PDHX: variants seen among roughly 807,000 people sequenced by gnomAD.
The protein encoded by PDHX is pyruvate dehydrogenase protein X component, mitochondrial.
Under a neutral mutation model 55.3 loss-of-function variants are expected in PDHX, and 33 were observed. That is an observed-to-expected ratio of 0.60 (90% CI 0.45 to 0.80). The LOEUF (loss-of-function observed/expected upper bound fraction) is 0.80. Among genes scored for constraint, PDHX ranks in the 30% least tolerant of loss-of-function variants. PDHX has a pLI of 0.00. For missense variants in PDHX, 622 were observed against 619.9 expected (o/e 1.00, Z -0.04); for synonymous variants, 226 against 219.4 (o/e 1.03, Z -0.27).
intron 9 of PDHX, among the ~76,000 whole-genome samples, chr11:34,991,807 C>T (rs548103768): frequency 2.3e-4 from 34 of 149,730 alleles, no homozygotes; most frequent in Admixed American, 8.7e-4. Flanking sequence ...CTACTCAGGA[C>T]GCTGAGGCAA....
intron 8 of PDHX, among the ~76,000 whole-genome samples, chr11:34,979,758 A>G (rs919200410): frequency 1.3e-5 from 2 of 152,168 alleles, no homozygotes; most frequent in African/African-American, 4.8e-5. Context: ...GGCATAAGCT[A>G]TTCGTTAATA....
At chr11:34,945,662 G>A (rs768162000) in intron 2 of PDHX, among the ~76,000 whole-genome samples, 5 of 151,514 alleles carry the variant, frequency 3.3e-5, no homozygotes, top group Non-Finnish European at 5.9e-5. Flanking sequence ...TGTTTTTATC[G>A]TTGATAGAAT....
At chr11:34,971,915 TTA>T (rs1219041488) in intron 7 of PDHX, among the ~76,000 whole-genome samples, 1 of 152,132 alleles carries the variant, frequency 6.6e-6, no homozygotes, top group Non-Finnish European at 1.5e-5. Context: ...ACTATGAATT[TTA>T]TTTTAAAAAT....
At chr11:34,921,848 AG>A (rs1256968662) in intron 1 of PDHX, among the ~76,000 whole-genome samples, 1 of 152,224 alleles carries the variant, frequency 6.6e-6, no homozygotes, top group Non-Finnish European at 1.5e-5. Context: ...CTATGAAAGC[AG>A]GGTATTAGAA....
chr11:34,951,382 G>A (rs1480406138), intron 3 of PDHX, among the ~76,000 whole-genome samples: 6 of 151,876 alleles, frequency 4.0e-5, no homozygotes, highest in Non-Finnish European at 8.8e-5. Context: ...TTTAATGATC[G>A]CCATTCTAAC....
intron 4 of PDHX, 42 bp from the exon 5 acceptor site, chr11:34,960,378 A>C (rs1453687398): frequency 8.3e-7 from 1 of 1,209,146 alleles, no homozygotes; most frequent in South Asian, 1.2e-5. Flanking sequence ...AATCAAATGT[A>C]AGTGTTAATT....
At chr11:34,981,033 T>C (rs1224799085) in intron 8 of PDHX, among the ~76,000 whole-genome samples, 1 of 152,132 alleles carries the variant, frequency 6.6e-6, no homozygotes, top group Non-Finnish European at 1.5e-5. Context: ...AGTTTTAGGG[T>C]ACATGTGCAC....
At chr11:34,982,967 C>A (rs1019258634) in intron 8 of PDHX, among the ~76,000 whole-genome samples, 8 of 152,016 alleles carry the variant, frequency 5.3e-5, no homozygotes, top group African/African-American at 1.7e-4. Flanking sequence ...AGAGACACAA[C>A]AAAAAAAGAG....
chr11:34,947,318 T>C (rs1229776177), intron 2 of PDHX, among the ~76,000 whole-genome samples, 188 bp from the exon 3 acceptor site: 1 of 152,070 alleles, frequency 6.6e-6, no homozygotes, highest in Non-Finnish European at 1.5e-5. Context: ...TTTTGGAAAT[T>C]ACAGCAAAGC....
At chr11:34,975,146 C>A (rs1855338553) in intron 7 of PDHX, among the ~76,000 whole-genome samples, 1 of 151,670 alleles carries the variant, frequency 6.6e-6, no homozygotes, top group Non-Finnish European at 1.5e-5. Flanking sequence ...ATATTTGTTC[C>A]ATTGTATATG....
intron 2 of PDHX, among the ~76,000 whole-genome samples, chr11:34,934,382 T>C (rs967150130): frequency 1.3e-5 from 2 of 152,068 alleles, no homozygotes; most frequent in Admixed American, 1.3e-4. Context: ...GAATTCTGTA[T>C]GCCAGTTTCT....
chr11:34,927,338 G>A (rs1162676244), intron 1 of PDHX, among the ~76,000 whole-genome samples: 2 of 152,076 alleles, frequency 1.3e-5, no homozygotes, highest in African/African-American at 2.4e-5. Context: ...ACTAGGAAAC[G>A]TAATTGGTGC....
chr11:34,970,199 G>T lies in PDHX; in HGVS notation c.877G>T (p.Glu293Ter), dbSNP rs1565164899. The T allele has an allele frequency of 6.2e-7, 1 of 1,612,546 alleles. No homozygotes were observed. Residue 293 changes from glutamate (E) to a stop codon, truncating the protein, a stop_gained, in exon 7 of 11, where the codon GAA (glutamate) becomes TAA (stop). Transcript: ENST00000227868. LOFTEE classifies it high-confidence loss of function. ...IRRVIAKRLT[E>*]SKSTVPHAYA... is the part of the protein sequence containing the mutation. ...AAGAGTTATTGCCAAGAGATTAACT[G>T]AATCTAAAAGTACTGTACCTCATGC...
rs372814513 is a variant in PDHX at position 34,916,621 on chromosome 11, C to T, written c.-35C>T. On this transcript the variant is annotated 5_prime_UTR_variant, in exon 1 of 11. Coordinates refer to ENST00000227868, the MANE Select transcript of PDHX (RefSeq NM_003477.3). Reference sequence around the variant, plus strand: ...CGGGGCCTTGATGCTGGACATCAGGCTGTGCTGCGGGCAGCCAGTGAGAAG... The same window carrying T: ...CGGGGCCTTGATGCTGGACATCAGGTTGTGCTGCGGGCAGCCAGTGAGAAG... 5.0e-6 allele frequency: 8 copies of T among 1,601,564 alleles called. No individual in the cohort carries two copies. Among genetic ancestry groups the T allele is most frequent in the Non-Finnish European group, 6.8e-6 (8 of 1,179,524 alleles).
At chr11:34,943,062 T>TA (rs1393905629) in intron 2 of PDHX, among the ~76,000 whole-genome samples, 1 of 151,958 alleles carries the variant, frequency 6.6e-6, no homozygotes, top group Non-Finnish European at 1.5e-5. Context: ...TCATGTTTTT[T>TA]TCTAAAGCAT....
Position 34,957,407 on chromosome 11 carries a change from A to G in PDHX, c.366A>G (p.Ile122Met), listed in dbSNP as rs567206438. The G allele has an allele frequency of 6.8e-6, 11 of 1,610,416 alleles. No homozygotes were observed. The African/African-American group carries it at 9.3e-5, about 14-fold the overall frequency. Residue 122 changes from isoleucine to methionine, a missense_variant, in exon 4 of 11, where the codon ATA (isoleucine) becomes ATG (methionine). Transcript: ENST00000227868. The part of the protein sequence containing the change: ...KIVVEEGSKN[I>M]RLGSLIGLIV... ...AGGTTGAAGAAGGAAGTAAAAATAT[A>G]CGGCTAGGTTCACTAATTGGTTTGA...
At chr11:34,920,342 A>T (rs190410269) in intron 1 of PDHX, among the ~76,000 whole-genome samples, 1 of 152,320 alleles carries the variant, frequency 6.6e-6, no homozygotes, top group African/African-American at 2.4e-5. Context: ...ACTGAGGTTC[A>T]ATCTTGGTGG....
chr11:34,966,773 G>T lies in PDHX; in HGVS notation c.775G>T (p.Val259Leu). Residue 259 changes from valine to leucine, a missense_variant, in exon 6 of 11, where the codon GTG (valine) becomes TTG (leucine). Coordinates refer to ENST00000227868, the MANE Select transcript of PDHX (RefSeq NM_003477.3). ...ATAGPSYPRP[V>L]IPPVSTPGQP... is the part of the protein sequence containing the mutation. ...AGCTGGACCATCTTATCCCCGGCCT[G>T]TGATCCCACCAGTATCAACTCCTGG... 1.9e-6 allele frequency: 3 copies of T among 1,614,090 alleles called. No homozygotes were observed. The highest frequency in any genetic ancestry group is 2.5e-6 in the Non-Finnish European group (3 of 1,179,998).
At chr11:34,951,126 G>A (rs980594480) in intron 3 of PDHX, among the ~76,000 whole-genome samples, 25 of 141,648 alleles carry the variant, frequency 1.8e-4, no homozygotes, top group African/African-American at 6.4e-4. Context: ...GCGCAATCTC[G>A]GCTCACTGCA....
Sources: allele counts gnomAD v4.1 joint callset (sites outside exome capture counted in the v4.1 genomes callset), GRCh38; gene constraint gnomAD v4.1.1; transcripts MANE v1.5; gene names NCBI Gene and HGNC (gene_info 2026-07-23, HGNC 2026-07-21).